The following MCTP1 variants were observed in gnomAD, a reference collection of about 807,000 sequenced individuals.
MCTP1 encodes the protein multiple C2 and transmembrane domain containing 1, also known as multiple C2 and transmembrane domain-containing protein 1.
A neutral mutation model predicts 120.6 loss-of-function variants in MCTP1; 69 were observed. That is an observed-to-expected ratio of 0.57 (90% CI 0.47 to 0.70). The LOEUF is 0.70. Ranked by LOEUF, MCTP1 falls within the 30% of genes least tolerant of loss-of-function variation. The pLI is 0.00. For synonymous variants in MCTP1, 529 were observed against 493.1 expected (o/e 1.07, Z -0.96); for missense variants, 1,203 against 1,248.8 (o/e 0.96, Z 0.55).
chr5:94,760,692 G>T (rs919060735), intron 19 of MCTP1, among the ~76,000 whole-genome samples: 12 of 145,462 alleles, frequency 8.2e-5, no homozygotes, highest in East Asian at 2.0e-4. Flanking sequence ...CAACAAAATT[G>T]TTTTTTTTTT....
chr5:95,146,895 G>A (rs331563), intron 1 of MCTP1, among the ~76,000 whole-genome samples: 49,970 of 151,828 alleles, frequency 0.33, 8,620 homozygotes, highest in East Asian at 0.57. Flanking sequence ...ATTAAGTCCA[G>A]TTGGTCAAGT....
At chr5:94,740,032 C>T (rs1270459276) in intron 19 of MCTP1, among the ~76,000 whole-genome samples, 1 of 152,150 alleles carries the variant, frequency 6.6e-6, no homozygotes, top group Non-Finnish European at 1.5e-5. Context: ...TGAAGTGCTA[C>T]AGTAATTACT....
Position 94,949,602 on chromosome 5 carries a change from A to G in MCTP1, c.981+3617T>C, listed in dbSNP as rs116638208. ...TACTAGAAATAGTACAAGCACTTCA[A>G]CTTGAATGCACTTTCATAACTTTGG... On this transcript the variant is annotated intron_variant, in intron 3 of 22. Transcript: ENST00000515393. Among the ~76,000 whole-genome samples the G allele has an allele frequency of 8.3e-3, 1,271 of 152,252 alleles. 19 individuals carry two copies. The highest frequency in any genetic ancestry group is 0.029 in the African/African-American group (1,224 of 41,550).
intron 1 of MCTP1, among the ~76,000 whole-genome samples, chr5:95,210,295 T>A (rs1027597377): frequency 7.9e-5 from 12 of 151,938 alleles, no homozygotes; most frequent in African/African-American, 2.7e-4. Flanking sequence ...CCCATTATTA[T>A]TGTGTGGGAG....
intron 1 of MCTP1, chr5:95,081,446 A>G (rs1409866686): frequency 6.2e-7 from 1 of 1,611,856 alleles, no homozygotes; most frequent in South Asian, 1.1e-5. Flanking sequence ...ATAAATGGCA[A>G]ATTGCAGGCA....
chr5:94,771,006 C>CA (rs1773932933), intron 19 of MCTP1, among the ~76,000 whole-genome samples: 1 of 152,146 alleles, frequency 6.6e-6, no homozygotes, highest in African/African-American at 2.4e-5. Context: ...TCAAAGATAA[C>CA]AAGCCCATTG....
At chr5:95,241,311 G>T (rs1055184128) in intron 1 of MCTP1, among the ~76,000 whole-genome samples, 1 of 152,138 alleles carries the variant, frequency 6.6e-6, no homozygotes, top group African/African-American at 2.4e-5. Flanking sequence ...TATGGCAGCT[G>T]CTTTGCAGGA....
chr5:94,768,143 T>C (rs1212666775), intron 19 of MCTP1, among the ~76,000 whole-genome samples: 2 of 152,028 alleles, frequency 1.3e-5, no homozygotes, highest in African/African-American at 2.4e-5. Flanking sequence ...ATGAAGAGCA[T>C]AAATTGGGGA....
chr5:95,158,772 CAA>C (rs144028033), intron 1 of MCTP1, among the ~76,000 whole-genome samples: 59,145 of 138,858 alleles, frequency 0.43, 13,103 homozygotes, highest in Non-Finnish European at 0.53. Flanking sequence ...CAAAAAATAC[CAA>C]AAAAAAAAAA....
intron 2 of MCTP1, among the ~76,000 whole-genome samples, chr5:95,013,320 C>G (rs947573726): frequency 9.9e-5 from 15 of 152,046 alleles, no homozygotes; most frequent in Admixed American, 5.3e-4. Context: ...TTCAGAAAAC[C>G]CAGCAAGATA....
Position 95,019,813 on chromosome 5 carries a change from C to T in MCTP1, c.721-2329G>A, listed in dbSNP as rs565138124. On this transcript the variant is annotated intron_variant, in intron 1 of 22. Transcript: ENST00000515393. ...TTGAAACCAGTGTAAAGGACAAGAG[C>T]GTGACAGCTGTTCACTAAGCCATAC... Among the ~76,000 whole-genome samples the T allele has an allele frequency of 9.5e-4, 145 of 151,982 alleles. 1 individual carries two copies. The highest frequency in any genetic ancestry group is 1.8e-3 in the Non-Finnish European group (120 of 67,894).
chr5:95,276,405 C>A (rs968452891), intron 1 of MCTP1, among the ~76,000 whole-genome samples: 7 of 151,268 alleles, frequency 4.6e-5, no homozygotes, highest in Non-Finnish European at 7.4e-5. Flanking sequence ...ATTATAGGTA[C>A]CTACTCAACA....
intron 1 of MCTP1, among the ~76,000 whole-genome samples, chr5:95,128,048 A>T (rs986152270): frequency 1.3e-5 from 2 of 152,232 alleles, no homozygotes; most frequent in African/African-American, 2.4e-5. Context: ...CGACTTGCCT[A>T]GATAAGTATT....
chr5:95,167,466 T>C (rs1746566483), intron 1 of MCTP1, among the ~76,000 whole-genome samples: 1 of 152,172 alleles, frequency 6.6e-6, no homozygotes, highest in Admixed American at 6.5e-5. Flanking sequence ...TAGTTCTAGA[T>C]CCCTGAGGAA....
chr5:94,748,695 C>T lies in MCTP1; in HGVS notation c.2610+30415G>A, dbSNP rs74572394. ...CTTTTTGAGCATAGTTATCAGCACT[C>T]TAAGTTTCTCGATTGTCTCAGGACA... On this transcript the variant is annotated intron_variant, in intron 19 of 22. Coordinates refer to ENST00000515393, the MANE Select transcript of MCTP1 (RefSeq NM_024717.7). 2.0e-5 allele frequency among the ~76,000 whole-genome samples: 3 copies of T among 152,208 alleles called. No individual in the cohort carries two copies. The South Asian group carries it at 6.2e-4, about 32-fold the overall frequency.
chr5:94,853,481 G>T (rs1794145319), intron 17 of MCTP1, among the ~76,000 whole-genome samples: 1 of 151,956 alleles, frequency 6.6e-6, no homozygotes, highest in African/African-American at 2.4e-5. Context: ...GCCAAGTGTG[G>T]CTTGTTACAC....
rs538619285 is a variant in MCTP1 at position 94,906,252 on chromosome 5, G to A, written c.1652+2999C>T. ...GTTAATCCCAGCACTTTGGGAGGCC[G>A]AGGATGGTGGATTGCTTGAGCTCAG... is the stretch of plus-strand genomic sequence containing the variant. On this transcript the variant is annotated intron_variant, in intron 10 of 22. Transcript: ENST00000515393. Among the ~76,000 whole-genome samples the A allele has an allele frequency of 3.7e-4, 56 of 152,256 alleles. 1 individual carries two copies. The South Asian group carries it at 6.0e-3, about 16-fold the overall frequency.
chr5:95,204,295 A>C (rs1751386306), intron 1 of MCTP1, among the ~76,000 whole-genome samples: 1 of 152,164 alleles, frequency 6.6e-6, no homozygotes, highest in African/African-American at 2.4e-5. Context: ...ACCAGGTAGA[A>C]GAAAGGACAA....
chr5:94,759,572 CA>C (rs1274373760), intron 19 of MCTP1, among the ~76,000 whole-genome samples: 1 of 152,126 alleles, frequency 6.6e-6, no homozygotes, highest in Non-Finnish European at 1.5e-5. Context: ...ACGTCTAAAA[CA>C]CTTAAAAAGC....
Sources: allele counts gnomAD v4.1 joint callset (sites outside exome capture counted in the v4.1 genomes callset), GRCh38; gene constraint gnomAD v4.1.1; transcripts MANE v1.5; gene names NCBI Gene and HGNC (gene_info 2026-07-23, HGNC 2026-07-21).